The following SPAG16 variants were observed in gnomAD, a reference collection of about 807,000 sequenced individuals.
The protein encoded by SPAG16 is sperm-associated antigen 16 protein.
A neutral mutation model predicts 80.4 loss-of-function variants in SPAG16; 86 were observed. The ratio of observed to expected loss-of-function variants is 1.07; its 90% CI spans 0.90 to 1.28. The LOEUF (loss-of-function observed/expected upper bound fraction) is 1.28. Ranked by LOEUF, SPAG16 falls within the 50% of genes most tolerant of loss-of-function variation. SPAG16 has a pLI of 0.00. For synonymous variants in SPAG16, 294 were observed against 265.9 expected (o/e 1.11, Z -1.03); for missense variants, 870 against 765.3 (o/e 1.14, Z -1.61).
intron 10 of SPAG16, among the ~76,000 whole-genome samples, chr2:213,589,195 G>A (rs189897530): frequency 4.9e-4 from 75 of 152,154 alleles, no homozygotes; most frequent in Non-Finnish European, 7.9e-4. Context: ...AGTTGTGTTG[G>A]GCTAATGTAA....
At chr2:213,989,428 A>G (rs1337251584) in intron 12 of SPAG16, among the ~76,000 whole-genome samples, 2 of 152,118 alleles carry the variant, frequency 1.3e-5, no homozygotes, top group African/African-American at 2.4e-5. Context: ...TTGCATTATC[A>G]CATGGTGCGT....
At chr2:213,839,893 G>A (rs2074283337) in intron 10 of SPAG16, among the ~76,000 whole-genome samples, 1 of 152,032 alleles carries the variant, frequency 6.6e-6, no homozygotes, top group Non-Finnish European at 1.5e-5. Flanking sequence ...AGGAGATGAG[G>A]AGGGGGAAAT....
intron 10 of SPAG16, among the ~76,000 whole-genome samples, chr2:213,495,570 A>T: frequency 6.6e-6 from 1 of 152,232 alleles, no homozygotes; most frequent in East Asian, 1.9e-4. Flanking sequence ...GTTCTGAGGG[A>T]GATTACATTG....
chr2:214,363,245 C>A (rs1038642049), intron 15 of SPAG16, among the ~76,000 whole-genome samples: 1 of 151,932 alleles, frequency 6.6e-6, no homozygotes, highest in Non-Finnish European at 1.5e-5. Flanking sequence ...AATTCTCATT[C>A]ATGACTCCAA....
intron 15 of SPAG16, among the ~76,000 whole-genome samples, chr2:214,348,410 G>T (rs1206590156): frequency 6.6e-6 from 1 of 152,196 alleles, no homozygotes; most frequent in Non-Finnish European, 1.5e-5. Flanking sequence ...CAAATAGCAA[G>T]ATCATTGTTT....
intron 14 of SPAG16, among the ~76,000 whole-genome samples, chr2:214,126,119 G>C (rs12998433): frequency 0.08 from 11,367 of 142,002 alleles, 698 homozygotes; most frequent in East Asian, 0.27. Context: ...CCTGGCAATG[G>C]GGCAGGTCCC....
At chr2:213,511,660 A>T (rs1046532860) in intron 10 of SPAG16, among the ~76,000 whole-genome samples, 3 of 152,080 alleles carry the variant, frequency 2.0e-5, no homozygotes, top group African/African-American at 7.2e-5. Flanking sequence ...TTATCTTCAT[A>T]TAACAATAGC....
Position 213,825,127 on chromosome 2 carries a change from G to A in SPAG16, c.1071-37358G>A, listed in dbSNP as rs113152019. Among the ~76,000 whole-genome samples the A allele has an allele frequency of 7.6e-4, 116 of 151,972 alleles. 2 individuals carry two copies. Among genetic ancestry groups the A allele is most frequent in the African/African-American group, 2.6e-3 (109 of 41,466 alleles). ...GTATCAGTTCTAATGGTGTTTTGGTGGAGTCTTGGATTTCTCCAAATATAA... is the reference window on the plus strand; with the variant it reads ...GTATCAGTTCTAATGGTGTTTTGGTAGAGTCTTGGATTTCTCCAAATATAA... On this transcript the variant is annotated intron_variant, in intron 10 of 15. Transcript: ENST00000331683.
chr2:214,351,725 A>AC (rs941673450), intron 15 of SPAG16, among the ~76,000 whole-genome samples: 10 of 151,644 alleles, frequency 6.6e-5, no homozygotes, highest in Non-Finnish European at 1.2e-4. Context: ...CAAACAAAAA[A>AC]AACAACAAAA....
rs183855150 is a variant in SPAG16 at position 214,164,685 on chromosome 2, A to G, written c.1720+15419A>G. ...GGTATAGGTAAATTAAAATCTTGCC[A>G]AGAGACCAACACATGCAACTTAAAA... On this transcript the variant is annotated intron_variant, in intron 15 of 15. Coordinates refer to ENST00000331683, the MANE Select transcript of SPAG16 (RefSeq NM_024532.5). Among the ~76,000 whole-genome samples, 184 of 152,274 alleles carry G rather than the reference A, an allele frequency of 1.2e-3. 1 individual carries two copies. The highest frequency in any genetic ancestry group is 4.2e-3 in the African/African-American group (176 of 41,590).
chr2:213,865,121 AAC>A (rs2075635126), intron 11 of SPAG16, among the ~76,000 whole-genome samples: 2 of 152,100 alleles, frequency 1.3e-5, no homozygotes, highest in Non-Finnish European at 2.9e-5. Context: ...TAGAAGAATT[AAC>A]ATGGTAGTAT....
At chr2:213,315,745 C>G (rs1004199445) in intron 4 of SPAG16, among the ~76,000 whole-genome samples, 1 of 151,580 alleles carries the variant, frequency 6.6e-6, no homozygotes, top group Non-Finnish European at 1.5e-5. Flanking sequence ...GTAATTGATT[C>G]TCAGTATTCT....
At chr2:214,129,451 T>C (rs1439905192) in intron 14 of SPAG16, among the ~76,000 whole-genome samples, 1 of 152,184 alleles carries the variant, frequency 6.6e-6, no homozygotes, top group Non-Finnish European at 1.5e-5. Context: ...TTTGGTTGTT[T>C]CAGGCAGGAG....
At chr2:213,422,637 C>T (rs1457585990) in intron 9 of SPAG16, 1 of 287,274 alleles carries the variant, frequency 3.5e-6, no homozygotes, top group Non-Finnish European at 6.6e-6. Context: ...GTGACAGTAT[C>T]AGAGTTCCTT....
At chr2:213,316,605 C>T (rs1241681675) in intron 4 of SPAG16, among the ~76,000 whole-genome samples, 1 of 151,980 alleles carries the variant, frequency 6.6e-6, no homozygotes, top group East Asian at 1.9e-4. Flanking sequence ...ACTTAGTTGG[C>T]TTCAGTTCCA....
intron 10 of SPAG16, among the ~76,000 whole-genome samples, chr2:213,607,794 G>T (rs1227443077): frequency 6.6e-6 from 1 of 152,168 alleles, no homozygotes; most frequent in African/African-American, 2.4e-5. Context: ...CCTGCAGATT[G>T]CAGGGAATAC....
rs67726428 is a variant in SPAG16 at position 214,165,469 on chromosome 2, C to CTTTTTTTTTTT, written c.1720+16230_1720+16240dup. ...TTTAAAAATGCTTTGCATCACCATC[C>CTTTTTTTTTTT]TTTTTTTTTTTTTTTTTTTTTTTTT... On this transcript the variant is annotated intron_variant, in intron 15 of 15. Coordinates refer to ENST00000331683, the MANE Select transcript of SPAG16 (RefSeq NM_024532.5). 3.7e-4 allele frequency among the ~76,000 whole-genome samples: 14 copies of CTTTTTTTTTTT among 37,856 alleles called. 3 individuals are homozygous for CTTTTTTTTTTT. The highest frequency in any genetic ancestry group is 9.8e-4 in the African/African-American group (7 of 7,174). The allele number at this position is 37,856 out of a possible 152,430, so 24.8% of individuals were successfully genotyped here.
chr2:213,294,199 A>G (rs1232554910), intron 1 of SPAG16, among the ~76,000 whole-genome samples: 6 of 152,184 alleles, frequency 3.9e-5, no homozygotes, highest in Admixed American at 3.3e-4. Flanking sequence ...TCTGTATCTA[A>G]CATTTCACTT....
At chr2:213,537,166 G>T (rs1472300346) in intron 10 of SPAG16, among the ~76,000 whole-genome samples, 3 of 109,108 alleles carry the variant, frequency 2.7e-5, no homozygotes, top group Non-Finnish European at 5.2e-5. Flanking sequence ...CTGTTGCGGG[G>T]TGGGGGGAGG....
Sources: allele counts gnomAD v4.1 joint callset (sites outside exome capture counted in the v4.1 genomes callset), GRCh38; gene constraint gnomAD v4.1.1; transcripts MANE v1.5; gene names NCBI Gene and HGNC (gene_info 2026-07-23, HGNC 2026-07-21).